Variants in RAB11A observed in about 807,000 individuals in gnomAD.
RAB11A encodes ras-related protein Rab-11A.
A neutral mutation model predicts 28.0 loss-of-function variants in RAB11A; 9 were observed. The observed-to-expected ratio is 0.32, with a 90% CI of 0.19 to 0.56. The LOEUF is 0.56. Ranked by LOEUF, RAB11A falls within the 20% of genes least tolerant of loss-of-function variation. The pLI, the probability that RAB11A is intolerant of heterozygous loss-of-function variation, is 0.91. For missense variants in RAB11A, 108 were observed against 269.6 expected, an observed-to-expected ratio of 0.40 and a Z score of 4.20; for synonymous variants, 85 against 88.2, an observed-to-expected ratio of 0.96 and a Z score of 0.20.
chr15:65,878,303 T>C (rs2078201261), intron 3 of RAB11A, among the ~76,000 whole-genome samples: 1 of 152,186 alleles, frequency 6.6e-6, no homozygotes, highest in Admixed American at 6.5e-5. Context: ...GCTGTAACTT[T>C]TTGGCTTCAT....
intron 1 of RAB11A, among the ~76,000 whole-genome samples, chr15:65,876,628 A>C (rs1339228849): frequency 6.6e-6 from 1 of 152,158 alleles, no homozygotes; most frequent in Non-Finnish European, 1.5e-5. Context: ...AGTATGTCAG[A>C]ATTATTAGTT....
chr15:65,878,845 G>A (rs762970415), intron 3 of RAB11A, among the ~76,000 whole-genome samples: 64 of 152,328 alleles, frequency 4.2e-4, no homozygotes, highest in Non-Finnish European at 7.9e-4. Context: ...CAATGTAGTT[G>A]ATGGAGAGGA....
intron 4 of RAB11A, among the ~76,000 whole-genome samples, chr15:65,880,273 T>C (rs1239298930): frequency 1.3e-5 from 2 of 152,192 alleles, no homozygotes; most frequent in African/African-American, 2.4e-5. Context: ...TAGAAAAGTT[T>C]TAAAAAGTAG....
chr15:65,875,474 A>G (rs1327188978), intron 1 of RAB11A, among the ~76,000 whole-genome samples: 1 of 152,218 alleles, frequency 6.6e-6, no homozygotes, highest in Non-Finnish European at 1.5e-5. Flanking sequence ...ATCCTATAAA[A>G]TTGAAAGTGC....
Position 65,877,558 on chromosome 15 carries a change from A to G in RAB11A, c.236+31A>G. ...TCTCATGGTTTTTAAGTTCTGTGAA[A>G]TGGGTTGCCATCGAGTGAATTAGCT... On this transcript the variant is annotated intron_variant, in intron 2 of 4. Coordinates refer to ENST00000261890, the MANE Select transcript of RAB11A (RefSeq NM_004663.5). The surrounding 1 kb of genome is among the most constrained non-coding windows in gnomAD (Gnocchi z 4.1). 1.3e-6 allele frequency: 2 copies of G among 1,581,210 alleles called. No individual in the cohort carries two copies. Among genetic ancestry groups the G allele is most frequent in the East Asian group, 4.5e-5 (2 of 44,482 alleles).
intron 4 of RAB11A, among the ~76,000 whole-genome samples, chr15:65,882,944 C>T (rs142792720): frequency 1.5e-3 from 235 of 152,306 alleles, no homozygotes; most frequent in African/African-American, 5.3e-3. Context: ...CCATATTCCT[C>T]AGATGTTAAT....
rs761656158 is a variant in RAB11A, at chr15:65,891,871, G to A, written c.*4031G>A. The A allele has an allele frequency of 1.3e-5, 2 of 152,194 alleles. No homozygotes were observed. The highest frequency in any genetic ancestry group is 1.5e-5 in the Non-Finnish European group (1 of 67,962). The allele number at this position is 152,194 out of a possible 1,614,324, so 9.4% of individuals were successfully genotyped here. A position where few individuals can be genotyped will look rare whatever the true frequency, so the allele number is the denominator to read the frequency against. ...AAGGGAGAGGAGCACTTGATGGGCT[G>A]CTATGTTAACTGTAAATTGAGAACT... is the stretch of plus-strand genomic sequence containing the variant. On this transcript the variant is annotated 3_prime_UTR_variant, in exon 5 of 5. Coordinates refer to ENST00000261890, the MANE Select transcript of RAB11A (RefSeq NM_004663.5).
rs1473603072 is a variant in RAB11A at position 65,888,244 on chromosome 15, A to C, written c.*404A>C. On this transcript the variant is annotated 3_prime_UTR_variant, in exon 5 of 5. Coordinates refer to ENST00000261890, the MANE Select transcript of RAB11A (RefSeq NM_004663.5). ...CCACAGAGCAGCTTATAGGTAATAC[A>C]CTCTTCTCTCAGTGCAGTGTACATT... is the stretch of plus-strand genomic sequence containing the variant. 6.4e-6 allele frequency: 1 copy of C among 156,334 alleles called. No individual in the cohort carries two copies. Among genetic ancestry groups the C allele is most frequent in the African/African-American group, 2.4e-5 (1 of 41,536 alleles). 9.7% of individuals were successfully genotyped at this position (156,334 alleles called of 1,614,324 possible).
At chr15:65,872,068 C>G (rs11630378) in intron 1 of RAB11A, among the ~76,000 whole-genome samples, 9,499 of 151,642 alleles carry the variant, frequency 0.063, 424 homozygotes, top group Non-Finnish European at 0.092. Flanking sequence ...TAGCTACTCT[C>G]TAGCTCCTAG....
chr15:65,889,107 T>C lies in RAB11A; in HGVS notation c.*1267T>C, dbSNP rs923201094. 6.5e-6 allele frequency: 1 copy of C among 152,694 alleles called. No individual in the cohort carries two copies. Among genetic ancestry groups the C allele is most frequent in the African/African-American group, 2.4e-5 (1 of 41,468 alleles). The allele number at this position is 152,694 out of a possible 1,614,324, so 9.5% of individuals were successfully genotyped here. On this transcript the variant is annotated 3_prime_UTR_variant, in exon 5 of 5. Transcript: ENST00000261890. ...CTCGTGGATAATATTAAGCACTTAC[T>C]CTGCAGTTTCCTGGAAGTTGTGTCA...
In RAB11A at chr15:65,890,879, TA is replaced by T. The variant is rs1209282408; in HGVS notation, c.*3042del. 1.4e-4 allele frequency: 22 copies of T among 152,344 alleles called. No individual in the cohort carries two copies. The highest frequency in any genetic ancestry group is 5.3e-4 in the African/African-American group (22 of 41,584). The allele number at this position is 152,344 out of a possible 1,614,324, so 9.4% of individuals were successfully genotyped here. On this transcript the variant is annotated 3_prime_UTR_variant, in exon 5 of 5. Transcript: ENST00000261890. ...CTTGGTTTAACAGAGGAAAAAAATA[TA>T]AATTGATTTTCTGATGTCTCACAAA...
chr15:65,883,076 G>A (rs1349680511), intron 4 of RAB11A, among the ~76,000 whole-genome samples: 1 of 152,136 alleles, frequency 6.6e-6, no homozygotes, highest in African/African-American at 2.4e-5. Flanking sequence ...ACTTTTCAGT[G>A]TATATTTTGT....
intron 1 of RAB11A, among the ~76,000 whole-genome samples, chr15:65,876,600 G>C (rs765019867): frequency 5.3e-5 from 8 of 152,068 alleles, no homozygotes; most frequent in Non-Finnish European, 1.2e-4. Context: ...CCCGGCACTT[G>C]CTTTGGTTTT....
chr15:65,889,826 A>C lies in RAB11A; in HGVS notation c.*1986A>C, dbSNP rs2078277264. 6.6e-6 allele frequency: 1 copy of C among 152,198 alleles called. No individual in the cohort carries two copies. The highest frequency in any genetic ancestry group is 6.5e-5 in the Admixed American group (1 of 15,272). 9.4% of individuals were successfully genotyped at this position (152,198 alleles called of 1,614,324 possible). A position where few individuals can be genotyped will look rare whatever the true frequency, so the allele number is the denominator to read the frequency against. On this transcript the variant is annotated 3_prime_UTR_variant, in exon 5 of 5. Coordinates refer to ENST00000261890, the MANE Select transcript of RAB11A (RefSeq NM_004663.5). ...AGAATTTTTACCCAAGTGTAGACTTAAATGTTGCTTTGAGTATGGCTGGAT... is the reference window on the plus strand; with the variant it reads ...AGAATTTTTACCCAAGTGTAGACTTCAATGTTGCTTTGAGTATGGCTGGAT...
Position 65,877,243 on chromosome 15 carries a change from T to C in RAB11A, c.41-89T>C, listed in dbSNP as rs1488668371. Reference sequence around the variant, plus strand: ...CTTATTTTTCTTGCTTTATTTACTCTGAAGCCAAACTTCATTCTGTTGAAA... The same window carrying C: ...CTTATTTTTCTTGCTTTATTTACTCCGAAGCCAAACTTCATTCTGTTGAAA... On this transcript the variant is annotated intron_variant, in intron 1 of 4. Transcript: ENST00000261890. The surrounding 1 kb of genome is among the most constrained non-coding windows in gnomAD (Gnocchi z 4.1). 2 of 1,153,594 alleles carry C rather than the reference T, an allele frequency of 1.7e-6. No individual in the cohort carries two copies. The highest frequency in any genetic ancestry group is 3.1e-5 in the African/African-American group (2 of 63,942). 71.5% of individuals were successfully genotyped at this position (1,153,594 alleles called of 1,614,324 possible).
intron 1 of RAB11A, among the ~76,000 whole-genome samples, chr15:65,875,826 C>G (rs1296032629): frequency 2.0e-5 from 3 of 152,244 alleles, no homozygotes; most frequent in Non-Finnish European, 4.4e-5. Context: ...ATTCTTTCCA[C>G]TCGTACCACC....
At chr15:65,875,740 C>G (rs991651872) in intron 1 of RAB11A, among the ~76,000 whole-genome samples, 3 of 152,240 alleles carry the variant, frequency 2.0e-5, no homozygotes, top group Non-Finnish European at 4.4e-5. Context: ...TATATCCACT[C>G]CTGTGGCAAG....
chr15:65,873,782 G>A (rs952320238), intron 1 of RAB11A, among the ~76,000 whole-genome samples: 20 of 151,700 alleles, frequency 1.3e-4, no homozygotes, highest in African/African-American at 4.6e-4. Context: ...TAGAGATAGG[G>A]TCTCCCTACG....
chr15:65,873,319 A>C (rs1287022396), intron 1 of RAB11A, among the ~76,000 whole-genome samples: 2 of 152,212 alleles, frequency 1.3e-5, no homozygotes, highest in Non-Finnish European at 2.9e-5. Context: ...TTCTGAAAAT[A>C]TCTGGATACA....
Sources: gnomAD v4.1 joint callset for allele counts (sites outside exome capture counted in the v4.1 genomes callset) on GRCh38, gnomAD v4.1.1 for gene constraint, Gnocchi (gnomAD v3.1) non-coding constraint, MANE v1.5 for transcripts, NCBI Gene and HGNC (gene_info 2026-07-23, HGNC 2026-07-21) for gene names.